The following CCDC12 variants were observed in gnomAD, a reference collection of about 807,000 sequenced individuals.
CCDC12 encodes the protein coiled-coil domain-containing protein 12.
In CCDC12, 28 loss-of-function variants were observed where a neutral mutation model predicts 25.7. That is an observed-to-expected ratio of 1.09 (90% CI 0.81 to 1.50). The LOEUF (loss-of-function observed/expected upper bound fraction) is 1.50, where lower values mean the gene tolerates loss of function less well. CCDC12 is among the 40% of genes most tolerant of loss of function. CCDC12 has a pLI of 0.00. For synonymous variants in CCDC12, 75 were observed against 87.7 expected, an observed-to-expected ratio of 0.86 and a Z score of 0.81; for missense variants, 198 against 210.0, an observed-to-expected ratio of 0.94 and a Z score of 0.35.
chr3:46,922,423 G>T, intron 5 of CCDC12, 111 bp from the exon 6 acceptor site: 1 of 1,207,008 alleles, frequency 8.3e-7, no homozygotes. Context: ...TCGGTTGCTG[G>T]AGGGGGCTGC....
Position 46,951,798 on chromosome 3 carries a change from A to AAAAAAAAAATATCCCATATATATATAT in CCDC12, c.97-10734_97-10733insATATATATATATGGGATATTTTTTTTT. On this transcript the variant is annotated intron_variant, in intron 1 of 6. Coordinates refer to ENST00000683445, the MANE Select transcript of CCDC12 (RefSeq NM_001277074.2). ...CCGTCTCAAAAAAAAAAAAAAAAAA[A>AAAAAAAAAATATCCCATATATATATAT]ATATATATATATATATATATATATA... Among the ~76,000 whole-genome samples, 13 of 8,464 alleles carry AAAAAAAAAATATCCCATATATATATAT rather than the reference A, an allele frequency of 1.5e-3. 3 individuals carry two copies. The highest frequency in any genetic ancestry group is 3.2e-3 in the African/African-American group (13 of 4,066). The allele number at this position is 8,464 out of a possible 152,430, so 5.6% of individuals were successfully genotyped here. A position where few individuals can be genotyped will look rare whatever the true frequency, so the allele number is the denominator to read the frequency against.
chr3:46,928,393 T>G (rs1366622638), intron 2 of CCDC12, among the ~76,000 whole-genome samples: 1 of 152,232 alleles, frequency 6.6e-6, no homozygotes, highest in African/African-American at 2.4e-5. Context: ...CATGTCTATT[T>G]ACATGCAGCA....
chr3:46,933,419 G>A (rs1045637855), intron 2 of CCDC12, among the ~76,000 whole-genome samples: 3 of 152,260 alleles, frequency 2.0e-5, no homozygotes, highest in South Asian at 2.1e-4. Context: ...CTATGGCCAC[G>A]TGTTGGCACC....
chr3:46,923,341 C>T lies in CCDC12; in HGVS notation c.329G>A (p.Arg110Gln). The T allele has an allele frequency of 1.3e-6, 2 of 1,491,406 alleles. No individual in the cohort carries two copies. Among genetic ancestry groups the T allele is most frequent in the Non-Finnish European group, 1.8e-6 (2 of 1,119,316 alleles). The allele number at this position is 1,491,406 out of a possible 1,614,324, so 92.4% of individuals were successfully genotyped here. Residue 110 changes from arginine to glutamine, a missense_variant, in exon 5 of 7, where the codon CGG (arginine) becomes CAG (glutamine). Coordinates refer to ENST00000683445, the MANE Select transcript of CCDC12 (RefSeq NM_001277074.2). Reference protein sequence around the residue: ...EEVDLANLAPRKPDWDLKRDV... With the variant: ...EEVDLANLAPQKPDWDLKRDV... ...GGGCAACACTCACCAGTCAGGCTTC[C>T]GAGGAGCGAGGTTGGCCAGGTCCTG... is the stretch of plus-strand genomic sequence containing the variant.
intron 1 of CCDC12, 51 bp downstream of exon 1, chr3:46,976,586 G>A (rs1354850622): frequency 3.8e-6 from 6 of 1,575,892 alleles, no homozygotes; most frequent in African/African-American, 2.7e-5. Context: ...GCGCGACCCG[G>A]ACCCCGAACG....
At chr3:46,941,556 C>G (rs1396464233) in intron 1 of CCDC12, among the ~76,000 whole-genome samples, 1 of 100,560 alleles carries the variant, frequency 9.9e-6, no homozygotes, top group Admixed American at 1.2e-4. Flanking sequence ...CAGAGCGAGA[C>G]TCCATCTCAA....
chr3:46,971,560 T>C (rs1207377818), intron 1 of CCDC12, among the ~76,000 whole-genome samples: 1 of 152,176 alleles, frequency 6.6e-6, no homozygotes, highest in African/African-American at 2.4e-5. Context: ...CACGGAAACA[T>C]TGCAACCCCT....
At chr3:46,957,366 T>C (rs2034322935) in intron 1 of CCDC12, among the ~76,000 whole-genome samples, 2 of 152,222 alleles carry the variant, frequency 1.3e-5, no homozygotes, top group African/African-American at 4.8e-5. Flanking sequence ...AATGTTGGGC[T>C]TCTTTCAGGC....
chr3:46,937,138 G>A (rs1000697225), intron 2 of CCDC12, among the ~76,000 whole-genome samples: 3 of 152,166 alleles, frequency 2.0e-5, no homozygotes, highest in African/African-American at 7.2e-5. Flanking sequence ...CTGAGATGGT[G>A]AGGGGGTCAG....
chr3:46,939,722 C>T (rs1420189105), intron 2 of CCDC12, among the ~76,000 whole-genome samples: 3 of 152,118 alleles, frequency 2.0e-5, no homozygotes, highest in Non-Finnish European at 2.9e-5. Context: ...ATGTCTGAAC[C>T]CGAGTAGGGG....
rs79951206 is a variant in CCDC12, at chr3:46,948,986, G to A, written c.97-7921C>T. 5.4e-3 allele frequency among the ~76,000 whole-genome samples: 822 copies of A among 152,314 alleles called. 7 individuals are homozygous for A. Among genetic ancestry groups the A allele is most frequent in the African/African-American group, 0.018 (738 of 41,562 alleles). On this transcript the variant is annotated intron_variant, in intron 1 of 6. Coordinates refer to ENST00000683445, the MANE Select transcript of CCDC12 (RefSeq NM_001277074.2). ...CTGGGTACTGAGGAGGAAGAGGAAC[G>A]AGTAGGCACCTAGTGCCCACAGAGC...
chr3:46,925,231 AG>A, intron 3 of CCDC12: 1 of 692,208 alleles, frequency 1.4e-6, no homozygotes, highest in Non-Finnish European at 2.6e-6. Flanking sequence ...TCAGGGTGTG[AG>A]CAGGACTGAG....
chr3:46,962,688 C>T (rs983584882), intron 1 of CCDC12, among the ~76,000 whole-genome samples: 1 of 152,040 alleles, frequency 6.6e-6, no homozygotes, highest in Non-Finnish European at 1.5e-5. Flanking sequence ...CAAAAGGATG[C>T]CACTATACCT....
intron 1 of CCDC12, among the ~76,000 whole-genome samples, chr3:46,942,648 AGGCCT>A (rs1357286217): frequency 6.6e-6 from 1 of 152,210 alleles, no homozygotes; most frequent in Non-Finnish European, 1.5e-5. Context: ...ACCAGGTCGG[AGGCCT>A]GGCCCAGAGA....
intron 5 of CCDC12, chr3:46,922,597 C>T: frequency 2.0e-6 from 1 of 487,880 alleles, no homozygotes; most frequent in Admixed American, 3.5e-5. Flanking sequence ...CCCTCTCTTG[C>T]TCTGGTCCTC....
chr3:46,955,629 C>T (rs2034266939), intron 1 of CCDC12, among the ~76,000 whole-genome samples: 1 of 152,164 alleles, frequency 6.6e-6, no homozygotes, highest in African/African-American at 2.4e-5. Context: ...GATGGGCCTG[C>T]CTGATGGGCT....
At chr3:46,954,912 A>C (rs1395682951) in intron 1 of CCDC12, among the ~76,000 whole-genome samples, 1 of 152,170 alleles carries the variant, frequency 6.6e-6, no homozygotes, top group Non-Finnish European at 1.5e-5. Context: ...AAAAGAGCGA[A>C]ACTCCGTCTG....
chr3:46,961,445 G>T (rs2034462356), intron 1 of CCDC12, among the ~76,000 whole-genome samples: 2 of 152,276 alleles, frequency 1.3e-5, no homozygotes, highest in Middle Eastern at 3.4e-3. Flanking sequence ...TGGCTCGGTA[G>T]GTCCAGAGTA....
At chr3:46,958,277 AC>A (rs1454207287) in intron 1 of CCDC12, among the ~76,000 whole-genome samples, 2 of 152,318 alleles carry the variant, frequency 1.3e-5, no homozygotes, top group African/African-American at 4.8e-5. Flanking sequence ...CAGCACCTGG[AC>A]CCATTATATT....
Sources: allele counts gnomAD v4.1 joint callset (sites outside exome capture counted in the v4.1 genomes callset), GRCh38; gene constraint gnomAD v4.1.1; transcripts MANE v1.5; gene names NCBI Gene and HGNC (gene_info 2026-07-23, HGNC 2026-07-21).